The following POLE variants were observed in gnomAD, a reference collection of about 807,000 sequenced individuals.
POLE encodes the protein DNA polymerase epsilon catalytic subunit A.
POLE carries 188 observed loss-of-function variants against 279.2 expected under a neutral mutation model. The ratio of observed to expected loss-of-function variants is 0.67; its 90% CI spans 0.60 to 0.76. POLE has a LOEUF of 0.76. Among genes scored for constraint, POLE ranks in the 30% least tolerant of loss-of-function variants. The pLI, the probability that POLE is intolerant of heterozygous loss-of-function variation, is 0.00. For synonymous variants in POLE, 1,214 were observed against 1,172.5 expected, an observed-to-expected ratio of 1.04 and a Z score of -0.72; for missense variants, 2,703 against 3,016.7, an observed-to-expected ratio of 0.90 and a Z score of 2.44.
At chr12:132,655,835 T>C (rs1159883449) in intron 29 of POLE, among the ~76,000 whole-genome samples, 3 of 152,164 alleles carry the variant, frequency 2.0e-5, no homozygotes, top group East Asian at 3.8e-4. Flanking sequence ...TTGCTTTTCC[T>C]GCGTCCTATC....
In POLE at chr12:132,634,781, G is replaced by A. The variant is rs771315657; in HGVS notation, c.5812-403C>T. Among the ~76,000 whole-genome samples the A allele has an allele frequency of 3.9e-5, 6 of 152,114 alleles. No individual in the cohort carries two copies. Among genetic ancestry groups the A allele is most frequent in the Non-Finnish European group, 5.9e-5 (4 of 68,020 alleles). ...CCAGCCTCCCGCGCAGCCTGTGTTCGTGCCACGGCACCATCCACGTCTGTG... is the reference window on the plus strand; with the variant it reads ...CCAGCCTCCCGCGCAGCCTGTGTTCATGCCACGGCACCATCCACGTCTGTG... On this transcript the variant is annotated intron_variant, in intron 42 of 48. Transcript: ENST00000320574. This position sits in a 1 kb window ranked among gnomAD's most constrained non-coding sequence, Gnocchi z 4.0.
At chr12:132,650,038 G>A in intron 29 of POLE, 149 bp from the exon 30 acceptor site, 1 of 653,730 alleles carries the variant, frequency 1.5e-6, no homozygotes, top group African/African-American at 1.8e-5. Flanking sequence ...GCAAGACCCT[G>A]TCTCTACAAA....
chr12:132,627,382 T>A (rs1163712211), intron 45 of POLE, among the ~76,000 whole-genome samples: 1 of 152,172 alleles, frequency 6.6e-6, no homozygotes, highest in East Asian at 1.9e-4. Flanking sequence ...CACTGCAGCA[T>A]TGACCTCTTG....
chr12:132,672,679 T>C lies in POLE; in HGVS notation c.1634A>G (p.Glu545Gly), dbSNP rs2135993136. ...DSETYVGGHVEALESGVFRSD... is the reference protein window; with the variant it reads ...DSETYVGGHVGALESGVFRSD... ...GCGGAAAACCCCAGACTCGAGGGCCTCCACGTGGCCCCCGACGTAGGTCTC... is the reference window on the plus strand; with the variant it reads ...GCGGAAAACCCCAGACTCGAGGGCCCCCACGTGGCCCCCGACGTAGGTCTC... The change falls in exon 15 of 49, where the codon GAG becomes GGG. Residue 545 changes from glutamate to glycine, a missense_variant. By Grantham distance (98) the Glu-to-Gly change is moderately conservative. Around this residue, in one of 5 missense-constraint regions of POLE, gnomAD observed 1,011 missense variants for 1,111.7 expected, o/e 0.91. Transcript: ENST00000320574. 6.2e-7 allele frequency: 1 copy of C among 1,614,132 alleles called. No individual in the cohort carries two copies. The highest frequency in any genetic ancestry group is 8.5e-7 in the Non-Finnish European group (1 of 1,180,022).
At chr12:132,665,161 C>T (rs994124631) in intron 21 of POLE, 141 bp downstream of exon 21, 1 of 948,218 alleles carries the variant, frequency 1.1e-6, no homozygotes, top group Non-Finnish European at 1.6e-6. Context: ...CAGCCCCACC[C>T]CAGCCCAAAG....
At chr12:132,678,395 A>G (rs2043104075) in intron 6 of POLE, among the ~76,000 whole-genome samples, 1 of 151,474 alleles carries the variant, frequency 6.6e-6, no homozygotes, top group Non-Finnish European at 1.5e-5. Flanking sequence ...AGGGAGACTC[A>G]TCTCTACAAA....
At chr12:132,657,464 G>C (rs2138660479) in intron 27 of POLE, 35 bp from the exon 28 acceptor site, 1 of 1,587,830 alleles carries the variant, frequency 6.3e-7, no homozygotes, top group Non-Finnish European at 8.6e-7. Context: ...GAGAACAGCA[G>C]GTGGCAGCAG....
intron 41 of POLE, among the ~76,000 whole-genome samples, 189 bp downstream of exon 41, chr12:132,637,824 TG>T (rs991455273): frequency 2.5e-4 from 38 of 152,130 alleles, no homozygotes; most frequent in African/African-American, 8.4e-4. Flanking sequence ...CACAGCTGAG[TG>T]GCCTCCGATC....
rs2042679542 is a variant in POLE at position 132,661,464 on chromosome 12, G to A, written c.2864+63C>T. 2.6e-6 allele frequency: 4 copies of A among 1,554,096 alleles called. No homozygotes were observed. Among genetic ancestry groups the A allele is most frequent in the Non-Finnish European group, 3.5e-6 (4 of 1,137,656 alleles). ...GGCTCCTGATCCAACCTCCTTTCTG[G>A]GCTAAATTTAATCTATCTCAATCCA... On this transcript the variant is annotated intron_variant, in intron 24 of 48. Coordinates refer to ENST00000320574, the MANE Select transcript of POLE (RefSeq NM_006231.4). This position sits in a 1 kb window ranked among gnomAD's most constrained non-coding sequence, Gnocchi z 4.1.
In POLE at chr12:132,624,369, C is replaced by T. The variant is rs2041786604; in HGVS notation, c.*328G>A. 2.4e-6 allele frequency: 1 copy of T among 418,116 alleles called. No individual in the cohort carries two copies. Among genetic ancestry groups the T allele is most frequent in the African/African-American group, 2.0e-5 (1 of 51,012 alleles). 25.9% of individuals were successfully genotyped at this position (418,116 alleles called of 1,614,324 possible). A position where few individuals can be genotyped will look rare whatever the true frequency, so the allele number is the denominator to read the frequency against. On this transcript the variant is annotated 3_prime_UTR_variant, in exon 49 of 49. Coordinates refer to ENST00000320574, the MANE Select transcript of POLE (RefSeq NM_006231.4). Reference sequence around the variant, plus strand: ...AGGGGCACCTAGAGGACGCTCCCACCCCACCAGGTGTGGTGCAGGAAGCAA... The same window carrying T: ...AGGGGCACCTAGAGGACGCTCCCACTCCACCAGGTGTGGTGCAGGAAGCAA...
At chr12:132,632,962 T>C (rs2041964702) in intron 43 of POLE, 167 bp from the exon 44 acceptor site, 1 of 689,530 alleles carries the variant, frequency 1.5e-6, no homozygotes. Flanking sequence ...ATTAGAGAAG[T>C]GAGAAGTGGA....
chr12:132,668,349 C>A lies in POLE; in HGVS notation c.2173+7G>T. ...CTTTACAGCCGTGACCATGCCCAGGCACTCACCCGCCAGCCTTCTCTTCTC... is the reference window on the plus strand; with the variant it reads ...CTTTACAGCCGTGACCATGCCCAGGAACTCACCCGCCAGCCTTCTCTTCTC... On this transcript the variant is annotated splice_region_variant and intron_variant, in intron 19 of 48. Coordinates refer to ENST00000320574, the MANE Select transcript of POLE (RefSeq NM_006231.4). This position sits in a 1 kb window ranked among gnomAD's most constrained non-coding sequence, Gnocchi z 4.0. 1 of 1,561,166 alleles carries A rather than the reference C, an allele frequency of 6.4e-7. No individual in the cohort carries two copies. The highest frequency in any genetic ancestry group is 8.7e-7 in the Non-Finnish European group (1 of 1,152,222).
intron 19 of POLE, among the ~76,000 whole-genome samples, 176 bp from the exon 20 acceptor site, chr12:132,667,824 G>A (rs898928012): frequency 6.6e-6 from 1 of 152,192 alleles, no homozygotes; most frequent in Non-Finnish European, 1.5e-5. Flanking sequence ...GCTCACACCT[G>A]TAATCCCAGC....
chr12:132,679,823 T>C (rs2043130207), intron 5 of POLE, 131 bp downstream of exon 5: 1 of 993,960 alleles, frequency 1.0e-6, no homozygotes, highest in Non-Finnish European at 1.5e-6. Context: ...TGGAAGGAAT[T>C]TTATAGACGG....
In POLE at chr12:132,643,973, T is replaced by C. The variant is rs1460458453; in HGVS notation, c.4154A>G (p.Asn1385Ser). The change falls in exon 33 of 49, where the codon AAT (asparagine) becomes AGT (serine). Residue 1385 changes from asparagine to serine, a missense_variant. Asn to Ser is a conservative substitution (Grantham distance 46). This residue lies in a region of POLE where 1,551 missense variants were observed against 1,686.1 expected (regional missense o/e 0.92). Transcript: ENST00000320574. ...AEEGASYRKV[N>S]RVLPRSNMVY... ...CATGTTGGAGCGAGGAAGGACCCGA[T>C]TTACCTGGCGAGAATACGACGATGA... The C allele has an allele frequency of 6.2e-7, 1 of 1,612,850 alleles. No homozygotes were observed. Among genetic ancestry groups the C allele is most frequent in the Admixed American group, 1.7e-5 (1 of 59,976 alleles).
intron 26 of POLE, 200 bp from the exon 27 acceptor site, chr12:132,658,170 G>A (rs1486554839): frequency 1.3e-5 from 7 of 519,440 alleles, no homozygotes; most frequent in African/African-American, 3.9e-5. Flanking sequence ...GTGTAAACAC[G>A]TGCGTGTGTG....
In POLE at chr12:132,676,543, C is replaced by G. The variant is rs769529344; in HGVS notation, c.909+3G>C. On this transcript the variant is annotated splice_donor_region_variant and intron_variant, in intron 9 of 48. Transcript: ENST00000320574. ...GCTTACTTCCCAGAAGCCACCTGCT[C>G]ACCTGGCCATCGATCATGTAGGAAA... The G allele has an allele frequency of 3.1e-6, 5 of 1,603,080 alleles. No individual in the cohort carries two copies. The South Asian group carries it at 4.4e-5, about 14-fold the overall frequency.
At position 132,637,855 on chromosome 12, in the gene POLE, C is replaced by T. The variant is rs5744976; in HGVS notation, c.5678+159G>A. On this transcript the variant is annotated intron_variant, in intron 41 of 48. Coordinates refer to ENST00000320574, the MANE Select transcript of POLE (RefSeq NM_006231.4). ...CCGATCTGCTACCGCGCACAGGTGG[C>T]GGTAACCCCCTTTTCACGCTGCTCA... is the stretch of plus-strand genomic sequence containing the variant. 0.52 allele frequency among the ~76,000 whole-genome samples: 78,279 copies of T among 151,988 alleles called. 21,027 individuals are homozygous for T. Among genetic ancestry groups the T allele is most frequent in the East Asian group, 0.7 (3,614 of 5,154 alleles).
rs2042162064 is a variant in POLE, at chr12:132,642,251, T to A, written c.5099A>T (p.Asp1700Val). 4.3e-6 allele frequency: 7 copies of A among 1,611,702 alleles called. No homozygotes were observed. In the East Asian group the frequency reaches 1.6e-4, roughly 36 times the overall value. The change falls in exon 38 of 49, where the codon GAT becomes GTT. Residue 1700 changes from aspartate to valine, a missense_variant. This residue lies in a region of POLE where 1,551 missense variants were observed against 1,686.1 expected (regional missense o/e 0.92). Coordinates refer to ENST00000320574, the MANE Select transcript of POLE (RefSeq NM_006231.4). ...ARPDLGGKEA[D>V]DNCLVMEFDD... ...GAACTCCATGACAAGACAGTTGTCATCAGCCTCCTTTCCACCCAGGTCAGG... is the reference window on the plus strand; with the variant it reads ...GAACTCCATGACAAGACAGTTGTCAACAGCCTCCTTTCCACCCAGGTCAGG...
Sources: allele counts gnomAD v4.1 joint callset (sites outside exome capture counted in the v4.1 genomes callset), GRCh38; gene constraint gnomAD v4.1.1; regional missense constraint gnomAD v4.1.1; non-coding constraint Gnocchi (gnomAD v3.1); transcripts MANE v1.5; gene names NCBI Gene and HGNC (gene_info 2026-07-23, HGNC 2026-07-21).